The following TMED5 variants were observed in gnomAD, a reference collection of about 807,000 sequenced individuals.
TMED5 encodes transmembrane emp24 domain-containing protein 5.
Under a neutral mutation model 23.0 loss-of-function variants are expected in TMED5, and 27 were observed. That is an observed-to-expected ratio of 1.17 (90% confidence interval 0.86 to 1.62). TMED5 has a LOEUF of 1.62. Ranked by LOEUF, TMED5 falls within the 40% of genes most tolerant of loss-of-function variation. The probability of loss-of-function intolerance (pLI) is 0.00; values close to 1 mark genes in which losing one functional copy is unlikely to be tolerated. For missense variants in TMED5, 248 were observed against 273.7 expected (o/e 0.91, Z 0.66); for synonymous variants, 97 against 100.8 (o/e 0.96, Z 0.23).
rs181460490 is a variant in TMED5 at position 93,174,215 on chromosome 1, C to G, written c.189+5839G>C. Among the ~76,000 whole-genome samples, 30 of 152,216 alleles carry G rather than the reference C, an allele frequency of 2.0e-4. No individual in the cohort carries two copies. In the East Asian group the frequency reaches 5.8e-3, roughly 29 times the overall value. ...TCCAACTCCTGACCTCGTGATCCAC[C>G]CACTTTGGCCTCCCAAAATGCTGGG... is the stretch of plus-strand genomic sequence containing the variant. On this transcript the variant is annotated intron_variant, in intron 1 of 3. Coordinates refer to ENST00000370282, the MANE Select transcript of TMED5 (RefSeq NM_016040.5).
intron 1 of TMED5, among the ~76,000 whole-genome samples, chr1:93,178,667 A>G (rs537468447): frequency 6.6e-6 from 1 of 152,296 alleles, no homozygotes; most frequent in South Asian, 2.1e-4. Context: ...ACTTTACTGG[A>G]AATCAAGAAA....
chr1:93,154,865 G>C lies in TMED5; in HGVS notation c.495C>G (p.Ser165=). 3 of 1,610,224 alleles carry C rather than the reference G, an allele frequency of 1.9e-6. No homozygotes were observed. Among genetic ancestry groups the C allele is most frequent in the Non-Finnish European group, 2.5e-6 (3 of 1,177,342 alleles). ...GTATGTGCCCACTTTTGCTTAGTCT[G>C]GACTTGATGCTGTTGATGGATTCCT... is the stretch of plus-strand genomic sequence containing the variant. ...DILESINSIK[S]RLSKSGHIQT... The change falls in exon 4 of 4, where the codon TCC becomes TCG. Residue 165 remains serine (S), a synonymous_variant. Transcript: ENST00000370282.
At chr1:93,156,038 A>C in intron 3 of TMED5, 1 of 1,446,638 alleles carries the variant, frequency 6.9e-7, no homozygotes, top group Non-Finnish European at 9.2e-7. Flanking sequence ...AAACTTACCA[A>C]GATGCAGTCT....
chr1:93,171,058 TAA>T (rs1358358309), intron 1 of TMED5, among the ~76,000 whole-genome samples: 1 of 152,166 alleles, frequency 6.6e-6, no homozygotes, highest in African/African-American at 2.4e-5. Context: ...CTCTTTGCAA[TAA>T]ATCTTGCTGC....
At chr1:93,160,393 T>C in intron 1 of TMED5, 167 bp from the exon 2 acceptor site, 1 of 475,854 alleles carries the variant, frequency 2.1e-6, no homozygotes, top group Non-Finnish European at 3.8e-6. Context: ...TTCAATTCCA[T>C]TCATTTTTGG....
At chr1:93,158,884 A>G in intron 2 of TMED5, 1 of 948,244 alleles carries the variant, frequency 1.1e-6, no homozygotes, top group Non-Finnish European at 1.3e-6. Flanking sequence ...CTTCTTATAC[A>G]CCTATCAAAG....
intron 1 of TMED5, among the ~76,000 whole-genome samples, chr1:93,169,892 C>CA (rs1648647485): frequency 6.7e-6 from 1 of 150,160 alleles, no homozygotes; most frequent in African/African-American, 2.5e-5. Flanking sequence ...TACACACACA[C>CA]ACACACACAC....
At chr1:93,179,928 G>C (rs998402077) in intron 1 of TMED5, 126 bp downstream of exon 1, 11 of 1,057,950 alleles carry the variant, frequency 1.0e-5, no homozygotes, top group Admixed American at 9.3e-5. Context: ...GAGCGGGCTG[G>C]CTTCCTGAAC....
At chr1:93,163,480 G>C (rs1214057403) in intron 1 of TMED5, among the ~76,000 whole-genome samples, 2 of 151,614 alleles carry the variant, frequency 1.3e-5, no homozygotes, top group East Asian at 3.9e-4. Flanking sequence ...GAGTAGCTGA[G>C]ATTATAGGCA....
chr1:93,160,583 C>T (rs1211718620), intron 1 of TMED5: 18 of 167,402 alleles, frequency 1.1e-4, no homozygotes, highest in Non-Finnish European at 9.1e-5. Flanking sequence ...ATTGGCAGGG[C>T]GCGGTGGCTC....
chr1:93,156,667 A>G (rs1203294220), intron 2 of TMED5, among the ~76,000 whole-genome samples, 184 bp from the exon 3 acceptor site: 2 of 152,094 alleles, frequency 1.3e-5, no homozygotes, highest in Non-Finnish European at 2.9e-5. Flanking sequence ...CCTGGGTAAC[A>G]TGGCAAAATC....
At chr1:93,175,170 G>A (rs1400941426) in intron 1 of TMED5, among the ~76,000 whole-genome samples, 23 of 79,768 alleles carry the variant, frequency 2.9e-4, no homozygotes, top group Non-Finnish European at 4.2e-4. Context: ...ATACTTAAAA[G>A]CCATTTATAT....
rs113906931 is a variant in TMED5, at chr1:93,178,845, A to G, written c.189+1209T>C. 6.0e-3 allele frequency among the ~76,000 whole-genome samples: 909 copies of G among 152,326 alleles called. 9 individuals are homozygous for G. Among genetic ancestry groups the G allele is most frequent in the African/African-American group, 0.012 (499 of 41,578 alleles). Reference sequence around the variant, plus strand: ...TGACAGTACCTGGTATTTAAAAACAATTCTCTACATCAACTTAAAAAATTA... The same window carrying G: ...TGACAGTACCTGGTATTTAAAAACAGTTCTCTACATCAACTTAAAAAATTA... On this transcript the variant is annotated intron_variant, in intron 1 of 3. Transcript: ENST00000370282.
chr1:93,177,499 C>A (rs1161283333), intron 1 of TMED5, among the ~76,000 whole-genome samples: 2 of 144,078 alleles, frequency 1.4e-5, no homozygotes, highest in African/African-American at 5.1e-5. Context: ...ATCACTTGAA[C>A]TCGGGAGATG....
rs573404281 is a variant in TMED5 at position 93,167,258 on chromosome 1, T to C, written c.190-7032A>G. Among the ~76,000 whole-genome samples the C allele has an allele frequency of 9.8e-5, 15 of 152,338 alleles. No homozygotes were observed. The South Asian group carries it at 2.9e-3, about 29-fold the overall frequency. On this transcript the variant is annotated intron_variant, in intron 1 of 3. Transcript: ENST00000370282. ...CTGGGCTATTCTGGGTCTTTTGTGG[T>C]TCCATATACATTTTTAAATTGTTTT...
chr1:93,174,102 C>T (rs1016190390), intron 1 of TMED5, among the ~76,000 whole-genome samples: 15 of 151,980 alleles, frequency 9.9e-5, no homozygotes, highest in African/African-American at 2.2e-4. Flanking sequence ...GGACTACAGG[C>T]GCGCACCACT....
At chr1:93,160,018 T>C in intron 2 of TMED5, 111 bp downstream of exon 2, 1 of 609,040 alleles carries the variant, frequency 1.6e-6, no homozygotes, top group Non-Finnish European at 3.0e-6. Flanking sequence ...TTAAATCATA[T>C]GGAATTATCT....
chr1:93,159,988 G>A (rs1233575539), intron 2 of TMED5, 141 bp downstream of exon 2: 1 of 501,544 alleles, frequency 2.0e-6, no homozygotes, highest in Non-Finnish European at 3.6e-6. Context: ...TTATCAGATG[G>A]CACACTATCA....
At chr1:93,174,554 A>G (rs1648841938) in intron 1 of TMED5, among the ~76,000 whole-genome samples, 2 of 152,228 alleles carry the variant, frequency 1.3e-5, no homozygotes, top group South Asian at 4.1e-4. Flanking sequence ...AAAAACCACA[A>G]TTATTTTTGC....
Sources: gnomAD v4.1 joint callset for allele counts (sites outside exome capture counted in the v4.1 genomes callset) on GRCh38, gnomAD v4.1.1 for gene constraint, MANE v1.5 for transcripts, NCBI Gene and HGNC (gene_info 2026-07-23, HGNC 2026-07-21) for gene names.